Variants in PRKCQ observed in about 807,000 individuals in gnomAD.
The protein encoded by PRKCQ is protein kinase C theta type.
PRKCQ carries 41 observed loss-of-function variants against 91.2 expected under a neutral mutation model. That is an observed-to-expected ratio of 0.45 (90% CI 0.35 to 0.58). The LOEUF is 0.58. Among genes scored for constraint, PRKCQ ranks in the 20% least tolerant of loss-of-function variants. The probability of loss-of-function intolerance (pLI) is 0.00; values close to 1 mark genes in which losing one functional copy is unlikely to be tolerated. For missense variants in PRKCQ, 673 were observed against 896.5 expected (o/e 0.75, Z 3.18); for synonymous variants, 307 against 316.9 (o/e 0.97, Z 0.33).
chr10:6,515,171 G>A (rs1838696320), intron 1 of PRKCQ, 27 bp from the exon 2 acceptor site: 1 of 1,610,882 alleles, frequency 6.2e-7, no homozygotes, highest in South Asian at 1.1e-5. Context: ...GACAAACGCT[G>A]TTTGGGGGCT....
chr10:6,561,887 TGAG>T (rs1303292422), intron 1 of PRKCQ, among the ~76,000 whole-genome samples: 7 of 152,076 alleles, frequency 4.6e-5, no homozygotes, highest in Admixed American at 6.5e-5. Flanking sequence ...ATGAAAGAGT[TGAG>T]GAAAGCAGGA....
At chr10:6,468,878 A>T (rs1835821999) in intron 12 of PRKCQ, among the ~76,000 whole-genome samples, 1 of 152,234 alleles carries the variant, frequency 6.6e-6, no homozygotes, top group Admixed American at 6.5e-5. Context: ...CTTCTTTGGG[A>T]CATCTCATAG....
At chr10:6,413,776 G>GCGCACGCA in the PRKCQ span, among the ~76,000 whole-genome samples, 1 of 108,410 alleles carries the variant, frequency 9.2e-6, no homozygotes, top group East Asian at 2.8e-4. Context: ...TGCCACTTGT[G>GCGCACGCA]CACACACACA....
At chr10:6,394,122 A>G in the PRKCQ span, among the ~76,000 whole-genome samples, 6 of 152,234 alleles carry the variant, frequency 3.9e-5, no homozygotes, top group Non-Finnish European at 2.9e-5. Context: ...ACTGCCATTT[A>G]TGTATGATGT....
In PRKCQ at chr10:6,499,387, T is replaced by C. The variant is rs557737285; in HGVS notation, c.380-829A>G. Among the ~76,000 whole-genome samples the C allele has an allele frequency of 3.3e-5, 5 of 152,230 alleles. No individual in the cohort carries two copies. The South Asian group carries it at 1.0e-3, about 32-fold the overall frequency. On this transcript the variant is annotated intron_variant, in intron 4 of 17. Transcript: ENST00000263125. ...TTTCCAAAGGGTTGAAAAACTAAGATAGTCAAATTATGAGAATGCTCAGGA... is the reference window on the plus strand; with the variant it reads ...TTTCCAAAGGGTTGAAAAACTAAGACAGTCAAATTATGAGAATGCTCAGGA...
At chr10:6,396,287 C>A in the PRKCQ span, among the ~76,000 whole-genome samples, 2 of 152,162 alleles carry the variant, frequency 1.3e-5, no homozygotes, top group South Asian at 2.1e-4. Context: ...AGATACAATA[C>A]AATTCACACA....
intron 12 of PRKCQ, among the ~76,000 whole-genome samples, chr10:6,468,108 T>C (rs1439853188): frequency 6.6e-6 from 1 of 152,220 alleles, no homozygotes; most frequent in South Asian, 2.1e-4. Flanking sequence ...ATAATTCTCA[T>C]AGGACTGCGT....
chr10:6,553,553 T>C (rs1840291124), intron 1 of PRKCQ, among the ~76,000 whole-genome samples: 1 of 150,836 alleles, frequency 6.6e-6, no homozygotes, highest in African/African-American at 2.4e-5. Flanking sequence ...GAAAGAAATA[T>C]GCTATCCATC....
intron 1 of PRKCQ, among the ~76,000 whole-genome samples, chr10:6,579,751 C>T (rs1841392341): frequency 1.3e-5 from 2 of 151,436 alleles, no homozygotes; most frequent in Admixed American, 6.6e-5. Flanking sequence ...ATGGCACCCC[C>T]GTCCGTGCTC....
At chr10:6,553,747 C>T (rs1467319432) in intron 1 of PRKCQ, among the ~76,000 whole-genome samples, 5 of 152,122 alleles carry the variant, frequency 3.3e-5, no homozygotes, top group African/African-American at 9.7e-5. Context: ...GCGGTATGCA[C>T]ATATCTTCAA....
the PRKCQ span, among the ~76,000 whole-genome samples, chr10:6,405,844 A>G: frequency 6.6e-6 from 1 of 152,158 alleles, no homozygotes; most frequent in Non-Finnish European, 1.5e-5. Context: ...CCATGTGCCC[A>G]TGGGGAGCAA....
chr10:6,462,124 G>C (rs1390210373), intron 14 of PRKCQ, among the ~76,000 whole-genome samples, 179 bp downstream of exon 14: 1 of 152,190 alleles, frequency 6.6e-6, no homozygotes, highest in African/African-American at 2.4e-5. Flanking sequence ...GTTGAGACTG[G>C]AATGTCTTCC....
the PRKCQ span, among the ~76,000 whole-genome samples, chr10:6,420,713 C>A: frequency 6.6e-6 from 1 of 152,196 alleles, no homozygotes; most frequent in Non-Finnish European, 1.5e-5. Flanking sequence ...AGACATCGTT[C>A]CAGTGTCTTG....
intron 12 of PRKCQ, among the ~76,000 whole-genome samples, chr10:6,471,758 C>G (rs625285): frequency 0.18 from 28,012 of 151,920 alleles, 2,727 homozygotes; most frequent in Middle Eastern, 0.32. Context: ...TCAAAACAAA[C>G]AAACAAACAC....
At chr10:6,417,455 G>A in the PRKCQ span, among the ~76,000 whole-genome samples, 1 of 151,220 alleles carries the variant, frequency 6.6e-6, no homozygotes, top group Non-Finnish European at 1.5e-5. Flanking sequence ...TTCTTCTCTA[G>A]ATTTTACTTA....
At chr10:6,502,520 G>C (rs755571178) in intron 4 of PRKCQ, among the ~76,000 whole-genome samples, 3 of 152,228 alleles carry the variant, frequency 2.0e-5, no homozygotes, top group Non-Finnish European at 4.4e-5. Context: ...AAGATGTGTA[G>C]GTGTCAGATC....
At position 6,497,268 on chromosome 10, in the gene PRKCQ, G is replaced by A. The variant is rs146840388; in HGVS notation, c.543-17C>T. ...TTCAGGCCCCTGTAATAAAGCACAC[G>A]CTGATTTATTTCAATGTTGGCATCA... On this transcript the variant is annotated splice_polypyrimidine_tract_variant and intron_variant, in intron 5 of 17. Coordinates refer to ENST00000263125, the MANE Select transcript of PRKCQ (RefSeq NM_006257.5). This position sits in a 1 kb window ranked among gnomAD's most constrained non-coding sequence, Gnocchi z 4.5. 2,198 of 1,613,942 alleles carry A rather than the reference G, an allele frequency of 1.4e-3. 20 individuals carry two copies. The African/African-American group carries it at 0.025, about 19-fold the overall frequency.
intron 1 of PRKCQ, among the ~76,000 whole-genome samples, chr10:6,526,246 C>T (rs905202125): frequency 6.6e-6 from 1 of 152,140 alleles, no homozygotes; most frequent in Non-Finnish European, 1.5e-5. Context: ...ACAGTATCCA[C>T]GATTTCTGAT....
At chr10:6,429,688 T>C (rs142965493) in intron 17 of PRKCQ, among the ~76,000 whole-genome samples, 4 of 152,336 alleles carry the variant, frequency 2.6e-5, no homozygotes, top group Admixed American at 6.5e-5. Context: ...AATTGTGATA[T>C]ACATAACTTA....
Sources: gnomAD v4.1 joint callset for allele counts (sites outside exome capture counted in the v4.1 genomes callset) on GRCh38, gnomAD v4.1.1 for gene constraint, Gnocchi (gnomAD v3.1) non-coding constraint, MANE v1.5 for transcripts, NCBI Gene and HGNC (gene_info 2026-07-23, HGNC 2026-07-21) for gene names.